The following TBX4 variants were observed in gnomAD, a reference collection of about 807,000 sequenced individuals.
TBX4 encodes the protein T-box transcription factor TBX4.
TBX4 carries 13 observed loss-of-function variants against 54.6 expected under a neutral mutation model. The observed-to-expected ratio is 0.24, with a 90% CI of 0.15 to 0.38. The LOEUF (loss-of-function observed/expected upper bound fraction) is 0.38. TBX4 is among the 10% of genes least tolerant of loss of function. The pLI, the probability that TBX4 is intolerant of heterozygous loss-of-function variation, is 1.00. For synonymous variants in TBX4, 314 were observed against 306.7 expected (o/e 1.02, Z -0.25); for missense variants, 631 against 728.5 (o/e 0.87, Z 1.54).
At chr17:61,456,062 C>A (rs962093866) in intron 1 of TBX4, among the ~76,000 whole-genome samples, 10 of 152,140 alleles carry the variant, frequency 6.6e-5, no homozygotes, top group Non-Finnish European at 1.0e-4. Flanking sequence ...CCTGCATGGC[C>A]AGGAGGTGTC....
chr17:61,471,892 ATTTTTTTTTTTT>A (rs35198276), intron 5 of TBX4, among the ~76,000 whole-genome samples: 17 of 72,956 alleles, frequency 2.3e-4, no homozygotes, highest in East Asian at 3.4e-4. Context: ...TGCCCAGCTA[ATTTTTTTTTTTT>A]TTTTTTTTTT....
In TBX4 at chr17:61,474,875, T is replaced by C. The variant is rs571598980; in HGVS notation, c.550-3752T>C. Reference sequence around the variant, plus strand: ...ACTAAGGCTCAAGTTTATACTTGTCTTGGCTCAATGGGTGGGACTTTCTTC... The same window carrying C: ...ACTAAGGCTCAAGTTTATACTTGTCCTGGCTCAATGGGTGGGACTTTCTTC... On this transcript the variant is annotated intron_variant, in intron 5 of 8. Coordinates refer to ENST00000644296, the MANE Select transcript of TBX4 (RefSeq NM_001321120.2). This position sits in a 1 kb window ranked among gnomAD's most constrained non-coding sequence, Gnocchi z 4.6. Among the ~76,000 whole-genome samples the C allele has an allele frequency of 2.0e-5, 3 of 152,240 alleles. No individual in the cohort carries two copies. The highest frequency in any genetic ancestry group is 7.2e-5 in the African/African-American group (3 of 41,458).
At chr17:61,456,737 T>G in intron 2 of TBX4, 61 bp downstream of exon 2, 1 of 1,263,492 alleles carries the variant, frequency 7.9e-7, no homozygotes, top group Non-Finnish European at 1.0e-6. Flanking sequence ...GGGCCGCCTG[T>G]GTCCGTCTTT....
rs1274967475 is a variant in TBX4, at chr17:61,480,259, C to G, written c.961C>G (p.Leu321Val). 1.2e-6 allele frequency: 2 copies of G among 1,614,122 alleles called. No individual in the cohort carries two copies. The highest frequency in any genetic ancestry group is 4.5e-5 in the East Asian group (2 of 44,874). ...GCTCGCGGAGCCGCAGGACCTGCCC[C>G]TCAGCACCTTTCCCACCCAGAGGGA... ...SQLAEPQDLP[L>V]STFPTQRDSS... The change falls in exon 8 of 9, where the codon CTC becomes GTC. Residue 321 changes from leucine (L) to valine (V), a missense_variant. Physicochemically the swap from Leu to Val is conservative, Grantham distance 32. This residue lies in a region of TBX4 where 354 missense variants were observed against 368.9 expected (regional missense o/e 0.96). Coordinates refer to ENST00000644296, the MANE Select transcript of TBX4 (RefSeq NM_001321120.2). This position sits in a 1 kb window ranked among gnomAD's most constrained non-coding sequence, Gnocchi z 6.2.
In TBX4 at chr17:61,479,918, A is replaced by G. The variant is rs1466598261; in HGVS notation, c.740A>G (p.Lys247Arg). The change falls in exon 7 of 9, where the codon AAG (lysine) becomes AGG (arginine). Residue 247 changes from lysine to arginine, a missense_variant. By Grantham distance (26) the Lys-to-Arg change is conservative. Transcript: ENST00000644296. This position sits in a 1 kb window ranked among gnomAD's most constrained non-coding sequence, Gnocchi z 6.1. Reference protein sequence around the residue: ...QLKIENNPFAKGFRGSDDSDL... With the variant: ...QLKIENNPFARGFRGSDDSDL... The stretch of plus-strand genomic sequence containing the variant: ...AAAATTGAGAACAACCCTTTTGCCA[A>G]GGGATTCCGGGGCAGTGATGACAGT... The G allele has an allele frequency of 1.2e-6, 2 of 1,614,070 alleles. No homozygotes were observed. Among genetic ancestry groups the G allele is most frequent in the Non-Finnish European group, 1.7e-6 (2 of 1,179,998 alleles).
At chr17:61,471,525 T>C (rs1450225807) in intron 5 of TBX4, among the ~76,000 whole-genome samples, 3 of 150,860 alleles carry the variant, frequency 2.0e-5, no homozygotes, top group African/African-American at 7.3e-5. Flanking sequence ...CAACCATGGC[T>C]ACCAATTTCT....
In TBX4 at chr17:61,460,654, C is replaced by T. The variant is rs780220729; in HGVS notation, c.281+3023C>T. On this transcript the variant is annotated intron_variant, in intron 3 of 8. Transcript: ENST00000644296. This position sits in a 1 kb window ranked among gnomAD's most constrained non-coding sequence, Gnocchi z 4.4. Reference sequence around the variant, plus strand: ...CGCAGACAGCAGATCCCTCTCTTGGCCTCCCCACATCCCTGCCAAGCTTGA... The same window carrying T: ...CGCAGACAGCAGATCCCTCTCTTGGTCTCCCCACATCCCTGCCAAGCTTGA... Among the ~76,000 whole-genome samples the T allele has an allele frequency of 1.3e-5, 2 of 152,102 alleles. No individual in the cohort carries two copies. Among genetic ancestry groups the T allele is most frequent in the East Asian group, 3.9e-4 (2 of 5,194 alleles).
Position 61,483,573 on chromosome 17 carries a change from G to A in TBX4, c.*57G>A. 6.2e-7 allele frequency: 1 copy of A among 1,608,142 alleles called. No homozygotes were observed. On this transcript the variant is annotated 3_prime_UTR_variant, in exon 9 of 9. Coordinates refer to ENST00000644296, the MANE Select transcript of TBX4 (RefSeq NM_001321120.2). The surrounding 1 kb of genome is among the most constrained non-coding windows in gnomAD (Gnocchi z 6.6). ...TGTTGCTCCAGTATTAACCTCTGTGGGTGGCCTGCACTCTACCAAGAAACA... is the reference window on the plus strand; with the variant it reads ...TGTTGCTCCAGTATTAACCTCTGTGAGTGGCCTGCACTCTACCAAGAAACA...
chr17:61,463,801 G>A (rs2060515115), intron 3 of TBX4, among the ~76,000 whole-genome samples: 1 of 152,228 alleles, frequency 6.6e-6, no homozygotes, highest in Admixed American at 6.5e-5. Flanking sequence ...CCATTTTGTG[G>A]CTGTTTCTGT....
At position 61,483,261 on chromosome 17, in the gene TBX4, G is replaced by A. The variant is rs938600960; in HGVS notation, c.1386G>A (p.Gln462=). Residue 462 remains glutamine, a synonymous_variant, in exon 9 of 9, where the codon CAG becomes CAA. Transcript: ENST00000644296. This position sits in a 1 kb window ranked among gnomAD's most constrained non-coding sequence, Gnocchi z 6.6. ...CGCGGCTGCCCACCCTCTCCGCTCA[G>A]AGCTCCCAGCCACCAGGAAATGCCC... ...MMPRLPTLSA[Q]SSQPPGNAHF... is the part of the protein sequence containing the mutation. The A allele has an allele frequency of 6.2e-7, 1 of 1,614,016 alleles. No homozygotes were observed. The highest frequency in any genetic ancestry group is 1.7e-5 in the Admixed American group (1 of 60,000).
chr17:61,479,796 A>C lies in TBX4; in HGVS notation c.703-85A>C. 1 of 1,371,012 alleles carries C rather than the reference A, an allele frequency of 7.3e-7. No individual in the cohort carries two copies. Among genetic ancestry groups the C allele is most frequent in the Non-Finnish European group, 1.0e-6 (1 of 958,612 alleles). 84.9% of individuals were successfully genotyped at this position (1,371,012 alleles called of 1,614,324 possible). Reference sequence around the variant, plus strand: ...GCGACCCCTGAGGGAGGGAGGTTACATGTTATGATCCCATTTACAAATGTG... The same window carrying C: ...GCGACCCCTGAGGGAGGGAGGTTACCTGTTATGATCCCATTTACAAATGTG... On this transcript the variant is annotated intron_variant, in intron 6 of 8. Coordinates refer to ENST00000644296, the MANE Select transcript of TBX4 (RefSeq NM_001321120.2). The surrounding 1 kb of genome is among the most constrained non-coding windows in gnomAD (Gnocchi z 6.1).
chr17:61,454,726 G>A (rs34978605), intron 1 of TBX4, among the ~76,000 whole-genome samples: 5 of 152,254 alleles, frequency 3.3e-5, no homozygotes, highest in African/African-American at 9.6e-5. Context: ...TCACAGGGCA[G>A]GGCTGAGCGC....
rs1018030060 is a variant in TBX4 at position 61,479,474 on chromosome 17, C to A, written c.703-407C>A. ...TCACTCAGAGCCTGATGTAGTTGCA[C>A]AGACTCAGGCAGCAGGCCCGGGATG... On this transcript the variant is annotated intron_variant, in intron 6 of 8. Transcript: ENST00000644296. The surrounding 1 kb of genome is among the most constrained non-coding windows in gnomAD (Gnocchi z 6.1). Among the ~76,000 whole-genome samples, 2 of 152,208 alleles carry A rather than the reference C, an allele frequency of 1.3e-5. No individual in the cohort carries two copies. Among genetic ancestry groups the A allele is most frequent in the African/African-American group, 4.8e-5 (2 of 41,442 alleles).
At position 61,465,516 on chromosome 17, in the gene TBX4, G is replaced by GCCCCAAGTCT. The variant is rs2060529110; in HGVS notation, c.282-302_282-293dup. Among the ~76,000 whole-genome samples, 1 of 152,224 alleles carries GCCCCAAGTCT rather than the reference G, an allele frequency of 6.6e-6. No homozygotes were observed. Among genetic ancestry groups the GCCCCAAGTCT allele is most frequent in the Non-Finnish European group, 1.5e-5 (1 of 68,038 alleles). On this transcript the variant is annotated intron_variant, in intron 3 of 8. Coordinates refer to ENST00000644296, the MANE Select transcript of TBX4 (RefSeq NM_001321120.2). This position sits in a 1 kb window ranked among gnomAD's most constrained non-coding sequence, Gnocchi z 4.9. ...GTGCTTCAGCTGCTCATGGGCACTAGCCCCAAGTCTTAGGGGATTATGGGG... is the reference window on the plus strand; with the variant it reads ...GTGCTTCAGCTGCTCATGGGCACTAGCCCCAAGTCTCCCCAAGTCTTAGGGGATTATGGGG...
At position 61,472,053 on chromosome 17, in the gene TBX4, T is replaced by C. The variant is rs2060583881; in HGVS notation, c.549+4396T>C. ...CCACCGCGCCCGGCCTGCAGCTGCA[T>C]AGAATTTTATCAAAATGATTGTTTC... On this transcript the variant is annotated intron_variant, in intron 5 of 8. Coordinates refer to ENST00000644296, the MANE Select transcript of TBX4 (RefSeq NM_001321120.2). The surrounding 1 kb of genome is among the most constrained non-coding windows in gnomAD (Gnocchi z 4.5). Among the ~76,000 whole-genome samples, 1 of 152,156 alleles carries C rather than the reference T, an allele frequency of 6.6e-6. No individual in the cohort carries two copies. Among genetic ancestry groups the C allele is most frequent in the African/African-American group, 2.4e-5 (1 of 41,430 alleles).
rs1234136091 is a variant in TBX4 at position 61,462,621 on chromosome 17, C to G, written c.282-3198C>G. 2.0e-5 allele frequency among the ~76,000 whole-genome samples: 3 copies of G among 152,076 alleles called. No individual in the cohort carries two copies. The highest frequency in any genetic ancestry group is 7.2e-5 in the African/African-American group (3 of 41,408). On this transcript the variant is annotated intron_variant, in intron 3 of 8. Coordinates refer to ENST00000644296, the MANE Select transcript of TBX4 (RefSeq NM_001321120.2). This position sits in a 1 kb window ranked among gnomAD's most constrained non-coding sequence, Gnocchi z 4.5. ...ACCCAGAGGTAGAGCGCAGAGTGCC[C>G]GGGACAGGCGGGCTTCACCGCCAGC...
In TBX4 at chr17:61,474,929, G is replaced by A. The variant is rs991791259; in HGVS notation, c.550-3698G>A. Among the ~76,000 whole-genome samples, 11 of 152,174 alleles carry A rather than the reference G, an allele frequency of 7.2e-5. No homozygotes were observed. The highest frequency in any genetic ancestry group is 1.0e-4 in the Non-Finnish European group (7 of 68,030). ...ATACCTGTCCAGGTTCTAGACTGTC[G>A]GAGTCAGAAGGGGTGTTTGGGACCA... On this transcript the variant is annotated intron_variant, in intron 5 of 8. Coordinates refer to ENST00000644296, the MANE Select transcript of TBX4 (RefSeq NM_001321120.2). This position sits in a 1 kb window ranked among gnomAD's most constrained non-coding sequence, Gnocchi z 4.6.
intron 5 of TBX4, 81 bp downstream of exon 5, chr17:61,467,738 A>T: frequency 6.4e-7 from 1 of 1,563,818 alleles, no homozygotes; most frequent in Non-Finnish European, 8.8e-7. Context: ...GGGGATAGGG[A>T]GAATCCACTC....
Position 61,467,403 on chromosome 17 carries a change from A to G in TBX4, c.402-107A>G. The G allele has an allele frequency of 6.2e-6, 8 of 1,289,974 alleles. No individual in the cohort carries two copies. In the South Asian group the frequency reaches 7.4e-5, roughly 12 times the overall value. 79.9% of individuals were successfully genotyped at this position (1,289,974 alleles called of 1,614,324 possible). On this transcript the variant is annotated intron_variant, in intron 4 of 8. Coordinates refer to ENST00000644296, the MANE Select transcript of TBX4 (RefSeq NM_001321120.2). ...AATTTGACAATGTGGTGGGACCAGC[A>G]GCTATTTTTTCCTCTGGTCAATGGG...
Sources: gnomAD v4.1 joint callset for allele counts (sites outside exome capture counted in the v4.1 genomes callset) on GRCh38, gnomAD v4.1.1 for gene constraint, gnomAD v4.1.1 regional missense constraint, Gnocchi (gnomAD v3.1) non-coding constraint, MANE v1.5 for transcripts, NCBI Gene and HGNC (gene_info 2026-07-23, HGNC 2026-07-21) for gene names.